MS4A4E: variants seen among roughly 807,000 people sequenced by gnomAD.
MS4A4E encodes membrane spanning 4-domains A4E.
MS4A4E carries 23 observed loss-of-function variants against 13.3 expected under a neutral mutation model. The observed-to-expected ratio is 1.73, with a 90% CI of 1.25 to 2.45. MS4A4E has a LOEUF of 2.45. Among genes scored for constraint, MS4A4E ranks in the 30% most tolerant of loss-of-function variants. The pLI, the probability that MS4A4E is intolerant of heterozygous loss-of-function variation, is 0.00. For synonymous variants in MS4A4E, 36 were observed against 45.6 expected (o/e 0.79, Z 0.85); for missense variants, 144 against 131.2 (o/e 1.10, Z -0.48).
chr11:60,218,378 T>C (rs1233104831), intron 3 of MS4A4E, among the ~76,000 whole-genome samples: 1 of 152,212 alleles, frequency 6.6e-6, no homozygotes, highest in Non-Finnish European at 1.5e-5. Context: ...CAGTACTTGA[T>C]GTCTGTGACC....
intron 5 of MS4A4E, among the ~76,000 whole-genome samples, chr11:60,209,712 G>A (rs927586544): frequency 2.0e-5 from 3 of 152,186 alleles, no homozygotes; most frequent in African/African-American, 7.2e-5. Flanking sequence ...GAGAACAATT[G>A]GGCAGTACAC....
Position 60,204,938 on chromosome 11 carries a change from A to G in MS4A4E, c.611T>C (p.Leu204Pro), listed in dbSNP as rs1202954963. ...TVWCSGDGQY[L>P]EKVYYDILSS... The stretch of plus-strand genomic sequence containing the variant: ...TAGAATGTCATAATAGACTTTTTCC[A>G]GATACTGTCCATCTCCGGAGCTGGA... The change falls in exon 8 of 9, where the codon CTG becomes CCG. Residue 204 changes from leucine to proline, a missense_variant. Physicochemically the swap from Leu to Pro is moderately conservative, Grantham distance 98. Coordinates refer to ENST00000651255, the MANE Select transcript of MS4A4E (RefSeq NM_001393391.1). Among the ~76,000 whole-genome samples the G allele has an allele frequency of 6.6e-6, 1 of 152,188 alleles. No individual in the cohort carries two copies. Among genetic ancestry groups the G allele is most frequent in the Non-Finnish European group, 1.5e-5 (1 of 68,030 alleles).
chr11:60,230,188 T>G, intron 1 of MS4A4E, 117 bp from the exon 2 acceptor site: 1 of 1,160,224 alleles, frequency 8.6e-7, no homozygotes, highest in Non-Finnish European at 1.2e-6. Context: ...CCTCCAATAT[T>G]ATAACAGTTG....
At chr11:60,206,969 G>A (rs369973174) in intron 6 of MS4A4E, among the ~76,000 whole-genome samples, 2 of 152,088 alleles carry the variant, frequency 1.3e-5, no homozygotes, top group East Asian at 1.9e-4. Context: ...CCCTGGTCTC[G>A]CAAGAGGATC....
At chr11:60,209,819 C>T (rs115626373) in intron 5 of MS4A4E, among the ~76,000 whole-genome samples, 1,600 of 152,276 alleles carry the variant, frequency 0.011, 34 homozygotes, top group African/African-American at 0.036. Flanking sequence ...CCCTCTGTTG[C>T]GGAAGAGCCA....
At chr11:60,225,261 T>C (rs1193678977) in intron 3 of MS4A4E, among the ~76,000 whole-genome samples, 2 of 152,198 alleles carry the variant, frequency 1.3e-5, no homozygotes, top group Non-Finnish European at 2.9e-5. Flanking sequence ...GAATATTATC[T>C]TACCAATATT....
intron 8 of MS4A4E, among the ~76,000 whole-genome samples, chr11:60,203,693 G>A (rs946047256): frequency 6.6e-6 from 1 of 152,174 alleles, no homozygotes; most frequent in Non-Finnish European, 1.5e-5. Context: ...AGGTTGCATT[G>A]AGCCAAGATC....
intron 1 of MS4A4E, among the ~76,000 whole-genome samples, chr11:60,231,438 A>G (rs1448193736): frequency 6.6e-5 from 10 of 152,166 alleles, no homozygotes; most frequent in African/African-American, 2.2e-4. Flanking sequence ...AAAAGTTCCA[A>G]AAACAATTTG....
intron 7 of MS4A4E, among the ~76,000 whole-genome samples, chr11:60,205,223 C>T (rs2084024717): frequency 6.6e-6 from 1 of 152,178 alleles, no homozygotes; most frequent in Admixed American, 6.5e-5. Context: ...AACCACTCTC[C>T]AGCACATTAA....
At chr11:60,222,205 T>A (rs910331167) in intron 3 of MS4A4E, among the ~76,000 whole-genome samples, 10 of 152,226 alleles carry the variant, frequency 6.6e-5, no homozygotes, top group Non-Finnish European at 1.2e-4. Flanking sequence ...ACACTTACTT[T>A]GGATATGGGT....
At chr11:60,215,105 A>T (rs2084174859) in intron 3 of MS4A4E, among the ~76,000 whole-genome samples, 1 of 152,074 alleles carries the variant, frequency 6.6e-6, no homozygotes, top group Non-Finnish European at 1.5e-5. Flanking sequence ...CATTTAGCCA[A>T]AATAGCTAAT....
At chr11:60,230,941 C>T (rs988007327) in intron 1 of MS4A4E, among the ~76,000 whole-genome samples, 10 of 151,880 alleles carry the variant, frequency 6.6e-5, no homozygotes, top group Non-Finnish European at 1.3e-4. Flanking sequence ...ATGCTAAAAA[C>T]TGTCAGGTTT....
chr11:60,223,322 G>A (rs1168865971), intron 3 of MS4A4E, among the ~76,000 whole-genome samples: 1 of 152,030 alleles, frequency 6.6e-6, no homozygotes, highest in Non-Finnish European at 1.5e-5. Context: ...TAGCATTTAA[G>A]TGTTGTTAAC....
chr11:60,223,104 A>T lies in MS4A4E; in HGVS notation c.178+5490T>A, dbSNP rs1590718559. Among the ~76,000 whole-genome samples the T allele has an allele frequency of 2.0e-5, 3 of 152,250 alleles. No individual in the cohort carries two copies. The South Asian group carries it at 6.2e-4, about 32-fold the overall frequency. On this transcript the variant is annotated intron_variant, in intron 3 of 8. Coordinates refer to ENST00000651255, the MANE Select transcript of MS4A4E (RefSeq NM_001393391.1). ...CTTCCTGAAGGCAAAGGGAATACAG[A>T]ATCGGTGGTAGAAGAAGGCTGTCAT... is the stretch of plus-strand genomic sequence containing the variant.
chr11:60,209,471 T>C (rs2084092079), intron 5 of MS4A4E, among the ~76,000 whole-genome samples: 1 of 152,204 alleles, frequency 6.6e-6, no homozygotes, highest in Non-Finnish European at 1.5e-5. Flanking sequence ...TTTAGCCCAG[T>C]GAGACCCACT....
chr11:60,205,608 G>A (rs771142150), intron 7 of MS4A4E, among the ~76,000 whole-genome samples, 106 bp downstream of exon 7: 4 of 152,162 alleles, frequency 2.6e-5, no homozygotes, highest in Non-Finnish European at 5.9e-5. Flanking sequence ...ATGAAGCACA[G>A]ATAAATTTTG....
intron 4 of MS4A4E, 74 bp downstream of exon 4, chr11:60,214,497 C>A: frequency 9.4e-7 from 1 of 1,069,022 alleles, no homozygotes; most frequent in South Asian, 1.9e-5. Context: ...CAAACAAAAC[C>A]TGTTTTATAC....
At chr11:60,212,785 G>A (rs1187869312) in intron 5 of MS4A4E, among the ~76,000 whole-genome samples, 189 bp downstream of exon 5, 2 of 152,134 alleles carry the variant, frequency 1.3e-5, no homozygotes, top group South Asian at 2.1e-4. Context: ...ATCACATATA[G>A]AGGAAAAATA....
chr11:60,225,309 G>A (rs780157828), intron 3 of MS4A4E, among the ~76,000 whole-genome samples: 14 of 152,006 alleles, frequency 9.2e-5, no homozygotes, highest in Non-Finnish European at 2.1e-4. Context: ...TCATTTCACG[G>A]TTAAAAGGAG....
Sources: gnomAD v4.1 joint callset for allele counts (sites outside exome capture counted in the v4.1 genomes callset) on GRCh38, gnomAD v4.1.1 for gene constraint, MANE v1.5 for transcripts, NCBI Gene and HGNC (gene_info 2026-07-23, HGNC 2026-07-21) for gene names.